TIMD4: variants seen among roughly 807,000 people sequenced by gnomAD.
TIMD4 encodes T cell immunoglobulin and mucin domain containing 4.
TIMD4 carries 31 observed loss-of-function variants against 41.2 expected under a neutral mutation model. That is an observed-to-expected ratio of 0.75 (90% CI 0.57 to 1.01). The LOEUF (loss-of-function observed/expected upper bound fraction) is 1.01, where lower values mean the gene tolerates loss of function less well. TIMD4 is among the 50% of genes least tolerant of loss of function. The pLI is 0.00. For missense variants in TIMD4, 479 were observed against 472.5 expected (o/e 1.01, Z -0.13); for synonymous variants, 204 against 177.1 (o/e 1.15, Z -1.21).
intron 3 of TIMD4, among the ~76,000 whole-genome samples, chr5:156,950,752 T>A (rs935922781): frequency 6.6e-6 from 1 of 152,168 alleles, no homozygotes; most frequent in African/African-American, 2.4e-5. Context: ...TCAGGGGATA[T>A]TTTAAAGGCG....
rs778201230 is a variant in TIMD4, at chr5:156,926,239, G to A, written c.894+24C>T. The A allele has an allele frequency of 4.3e-6, 7 of 1,611,212 alleles. No individual in the cohort carries two copies. In the East Asian group the frequency reaches 1.1e-4, roughly 26 times the overall value. On this transcript the variant is annotated intron_variant, in intron 6 of 8. Transcript: ENST00000274532. ...ATTTTTACTATTTAAGTGATATACT[G>A]CAAATACTTCACAGATTTTTTACCT...
chr5:156,923,455 A>T (rs1209031703), intron 6 of TIMD4, among the ~76,000 whole-genome samples: 2 of 151,856 alleles, frequency 1.3e-5, no homozygotes, highest in African/African-American at 4.8e-5. Flanking sequence ...GGCCTAAAAA[A>T]ATTTTTTAAT....
rs1174291501 is a variant in TIMD4, at chr5:156,954,634, AG to A, written c.180del (p.Tyr61ThrfsTer14). On this transcript the variant is annotated frameshift_variant, in exon 2 of 9. Transcript: ENST00000274532. LOFTEE classifies it high-confidence loss of function. The part of the protein sequence containing the change: ...NSMCWGKDQC[P>X]YSGCKEALIR... ...ATGAGCGCCTCCTTGCAACCGGAGT[AG>A]GGGCACTGGTCTTTCCCCCAGCACA... The A allele has an allele frequency of 2.5e-6, 4 of 1,614,228 alleles. No homozygotes were observed. The highest frequency in any genetic ancestry group is 3.4e-6 in the Non-Finnish European group (4 of 1,180,048).
At chr5:156,960,106 A>C (rs1052170888) in intron 1 of TIMD4, among the ~76,000 whole-genome samples, 5 of 145,976 alleles carry the variant, frequency 3.4e-5, no homozygotes, top group Admixed American at 1.4e-4. Flanking sequence ...GAAAAAAAAA[A>C]CAAAATAAAA....
intron 7 of TIMD4, 108 bp from the exon 8 acceptor site, chr5:156,920,611 GGT>G: frequency 1.7e-6 from 2 of 1,161,050 alleles, no homozygotes; most frequent in Admixed American, 3.7e-5. Flanking sequence ...ATGGGCCAAA[GGT>G]GAGAACCAGT....
Position 156,926,254 on chromosome 5 carries a change from A to AT in TIMD4, c.894+8dup, listed in dbSNP as rs1403860799. Reference sequence around the variant, plus strand: ...GTGATATACTGCAAATACTTCACAGATTTTTTACCTGTCCTGTTTTTGTTG... The same window carrying AT: ...GTGATATACTGCAAATACTTCACAGATTTTTTTACCTGTCCTGTTTTTGTTG... On this transcript the variant is annotated intron_variant, in intron 6 of 8. Coordinates refer to ENST00000274532, the MANE Select transcript of TIMD4 (RefSeq NM_138379.3). 11 of 1,612,998 alleles carry AT rather than the reference A, an allele frequency of 6.8e-6. No individual in the cohort carries two copies. In the South Asian group the frequency reaches 9.9e-5, roughly 14 times the overall value.
Position 156,954,408 on chromosome 5 carries a change from T to C in TIMD4, c.400+7A>G. On this transcript the variant is annotated splice_region_variant and intron_variant, in intron 2 of 8. Transcript: ENST00000274532. Reference sequence around the variant, plus strand: ...TTCCGCAGGCATGAGGCCCTTCGTGTGCTTACCTCTCTGTAGATTCAGGCG... The same window carrying C: ...TTCCGCAGGCATGAGGCCCTTCGTGCGCTTACCTCTCTGTAGATTCAGGCG... 3 of 1,610,056 alleles carry C rather than the reference T, an allele frequency of 1.9e-6. No individual in the cohort carries two copies. The highest frequency in any genetic ancestry group is 2.5e-6 in the Non-Finnish European group (3 of 1,177,954).
At chr5:156,947,266 G>A (rs1759762573) in intron 5 of TIMD4, among the ~76,000 whole-genome samples, 1 of 152,124 alleles carries the variant, frequency 6.6e-6, no homozygotes, top group South Asian at 2.1e-4. Context: ...TCATAAGATT[G>A]AAAAAGTTAA....
At chr5:156,924,531 C>A (rs1391646216) in intron 6 of TIMD4, 1 of 408,520 alleles carries the variant, frequency 2.4e-6, no homozygotes, top group African/African-American at 2.1e-5. Context: ...GCAGGCATTT[C>A]TACCCAGTTT....
At chr5:156,933,038 G>T (rs1437602869) in intron 5 of TIMD4, among the ~76,000 whole-genome samples, 6 of 135,686 alleles carry the variant, frequency 4.4e-5, no homozygotes, top group Non-Finnish European at 9.6e-5. Context: ...AAAGAAAATG[G>T]TTTAAATATC....
At chr5:156,930,174 C>G (rs927016502) in intron 5 of TIMD4, among the ~76,000 whole-genome samples, 1 of 152,056 alleles carries the variant, frequency 6.6e-6, no homozygotes, top group African/African-American at 2.4e-5. Context: ...GTTGCCCAGA[C>G]CAGTCTCAAA....
chr5:156,942,788 C>T (rs929453468), intron 5 of TIMD4, among the ~76,000 whole-genome samples: 7 of 152,206 alleles, frequency 4.6e-5, no homozygotes, highest in African/African-American at 1.7e-4. Flanking sequence ...TCAGCTGTAA[C>T]TTGATTCTCA....
Position 156,954,401 on chromosome 5 carries a change from C to T in TIMD4, c.400+14G>A. On this transcript the variant is annotated intron_variant, in intron 2 of 8. Transcript: ENST00000274532. ...TCTCTCCTTCCGCAGGCATGAGGCC[C>T]TTCGTGTGCTTACCTCTCTGTAGAT... The T allele has an allele frequency of 6.2e-7, 1 of 1,606,386 alleles. No homozygotes were observed. The highest frequency in any genetic ancestry group is 8.5e-7 in the Non-Finnish European group (1 of 1,176,082).
chr5:156,924,911 C>A (rs1759317776), intron 6 of TIMD4, among the ~76,000 whole-genome samples: 1 of 152,082 alleles, frequency 6.6e-6, no homozygotes. Flanking sequence ...AATCTGAAAT[C>A]CTTTCACTTA....
At chr5:156,959,840 G>A (rs567232761) in intron 1 of TIMD4, among the ~76,000 whole-genome samples, 19 of 152,188 alleles carry the variant, frequency 1.2e-4, no homozygotes, top group African/African-American at 4.6e-4. Flanking sequence ...AGGAGTTCAA[G>A]ACCAGCCTGG....
intron 5 of TIMD4, among the ~76,000 whole-genome samples, chr5:156,929,804 C>T (rs561690330): frequency 3.9e-5 from 6 of 152,232 alleles, no homozygotes; most frequent in African/African-American, 1.4e-4. Flanking sequence ...GGAATCAACA[C>T]ACAAAGAATG....
chr5:156,962,769 G>T (rs1753096999), intron 1 of TIMD4, among the ~76,000 whole-genome samples: 1 of 152,176 alleles, frequency 6.6e-6, no homozygotes. Context: ...CAGAGGGAAT[G>T]ATAAGAATTA....
Position 156,951,670 on chromosome 5 carries a change from G to A in TIMD4, c.521C>T (p.Thr174Ile). The change falls in exon 3 of 9, where the codon ACA (threonine) becomes ATA (isoleucine). Residue 174 changes from threonine to isoleucine, a missense_variant. By Grantham distance (89) the Thr-to-Ile change is moderately conservative. Transcript: ENST00000274532. ...PAALPTTVVT[T>I]PDLTTGTPLQ... is the part of the protein sequence containing the mutation. ...TGGTGTTCCGGTTGTGAGATCGGGT[G>A]TGGTCACGACTGTTGTTGGAAGTGC... 1.2e-6 allele frequency: 2 copies of A among 1,614,154 alleles called. No individual in the cohort carries two copies. Among genetic ancestry groups the A allele is most frequent in the South Asian group, 1.1e-5 (1 of 91,064 alleles).
chr5:156,920,411 T>C (rs1759213911), intron 8 of TIMD4, 53 bp downstream of exon 8: 1 of 1,586,880 alleles, frequency 6.3e-7, no homozygotes, highest in East Asian at 2.2e-5. Context: ...TAGCTAATCA[T>C]TTGTAACAGC....
Sources: allele counts gnomAD v4.1 joint callset (sites outside exome capture counted in the v4.1 genomes callset), GRCh38; gene constraint gnomAD v4.1.1; transcripts MANE v1.5; gene names NCBI Gene and HGNC (gene_info 2026-07-23, HGNC 2026-07-21).